The following SCUBE2 variants were observed in gnomAD, a reference collection of about 807,000 sequenced individuals.
SCUBE2 encodes signal peptide, CUB and EGF-like domain-containing protein 2.
A neutral mutation model predicts 125.9 loss-of-function variants in SCUBE2; 114 were observed. That is an observed-to-expected ratio of 0.91 (90% confidence interval 0.78 to 1.06). The LOEUF is 1.06. SCUBE2 is among the 50% of genes least tolerant of loss of function. SCUBE2 has a pLI of 0.00. For missense variants in SCUBE2, 1,255 were observed against 1,301.8 expected, an observed-to-expected ratio of 0.96 and a Z score of 0.55; for synonymous variants, 459 against 492.9, an observed-to-expected ratio of 0.93 and a Z score of 0.91.
chr11:9,034,262 G>T (rs1228069281), intron 16 of SCUBE2, among the ~76,000 whole-genome samples: 1 of 152,190 alleles, frequency 6.6e-6, no homozygotes, highest in East Asian at 1.9e-4. Context: ...ATTTGTGTCA[G>T]GCCTTGAAGG....
intron 3 of SCUBE2, among the ~76,000 whole-genome samples, chr11:9,077,474 C>T (rs547552050): frequency 1.3e-5 from 2 of 152,262 alleles, no homozygotes; most frequent in South Asian, 2.1e-4. Flanking sequence ...AGTGCCAAAG[C>T]TTAGTGGTGT....
Position 9,060,454 on chromosome 11 carries a change from A to T in SCUBE2, c.921T>A (p.Ser307Arg). ...CKDTSTGVHCSCPVGFTLQLD... is the reference protein window; with the variant it reads ...CKDTSTGVHCRCPVGFTLQLD... ...ACTGGAGAGTGAATCCAACAGGACA[A>T]CTGCAGTGGACACCTGTCGAAGTAT... is the stretch of plus-strand genomic sequence containing the variant. The change falls in exon 8 of 23, where the codon AGT (serine) becomes AGA (arginine). Residue 307 changes from serine (S) to arginine (R), a missense_variant. Ser to Arg is a moderately radical substitution (Grantham distance 110). Transcript: ENST00000649792. 1 of 1,614,150 alleles carries T rather than the reference A, an allele frequency of 6.2e-7. No individual in the cohort carries two copies. Among genetic ancestry groups the T allele is most frequent in the East Asian group, 2.2e-5 (1 of 44,892 alleles).
At chr11:9,054,727 T>TATATATATA (rs1858892511) in intron 10 of SCUBE2, among the ~76,000 whole-genome samples, 5 of 36,000 alleles carry the variant, frequency 1.4e-4, no homozygotes, top group African/African-American at 4.1e-4. Flanking sequence ...ATATATATAT[T>TATATATATA]TTTTTTTTTT....
At chr11:9,035,464 C>T (rs1856677929) in intron 16 of SCUBE2, among the ~76,000 whole-genome samples, 1 of 152,126 alleles carries the variant, frequency 6.6e-6, no homozygotes, top group African/African-American at 2.4e-5. Flanking sequence ...AAGACTTTAT[C>T]AAGGATTCTC....
chr11:9,045,413 C>T (rs934588967), intron 16 of SCUBE2, among the ~76,000 whole-genome samples: 4 of 151,972 alleles, frequency 2.6e-5, no homozygotes, highest in Non-Finnish European at 2.9e-5. Flanking sequence ...TTCCATCTCT[C>T]CCCCCAGGAG....
intron 16 of SCUBE2, among the ~76,000 whole-genome samples, chr11:9,035,376 T>C (rs1786684149): frequency 6.6e-6 from 1 of 152,208 alleles, no homozygotes; most frequent in African/African-American, 2.4e-5. Flanking sequence ...AATACTCCTA[T>C]GGTACTGTAA....
chr11:9,071,874 G>A (rs1055133970), intron 4 of SCUBE2, among the ~76,000 whole-genome samples: 8 of 152,076 alleles, frequency 5.3e-5, no homozygotes, highest in African/African-American at 1.9e-4. Context: ...AAACAAAAGA[G>A]GAGTGCTCAT....
At position 9,091,531 on chromosome 11, in the gene SCUBE2, A is replaced by T; in HGVS notation, c.-3T>A. ...CGGTTGCGGCCCGCGACCCCCATGG[A>T]TGGCTCAGCGGTTGCGGGCAGAGGC... is the stretch of plus-strand genomic sequence containing the variant. On this transcript the variant is annotated 5_prime_UTR_variant, in exon 1 of 23. Coordinates refer to ENST00000649792, the MANE Select transcript of SCUBE2 (RefSeq NM_001367977.2). The surrounding 1 kb of genome is among the most constrained non-coding windows in gnomAD (Gnocchi z 8.5). The T allele has an allele frequency of 1.3e-6, 1 of 763,844 alleles. No homozygotes were observed. The highest frequency in any genetic ancestry group is 1.8e-6 in the Non-Finnish European group (1 of 571,062). 47.3% of individuals were successfully genotyped at this position (763,844 alleles called of 1,614,324 possible).
At chr11:9,055,952 G>A in intron 9 of SCUBE2, 43 bp from the exon 10 acceptor site, 1 of 1,446,088 alleles carries the variant, frequency 6.9e-7, no homozygotes, top group Non-Finnish European at 9.7e-7. Flanking sequence ...CCCACTCTGA[G>A]GGATGAGTGA....
In SCUBE2 at chr11:9,039,803, G is replaced by A. The variant is rs574631283; in HGVS notation, c.2003-6007C>T. Among the ~76,000 whole-genome samples, 11 of 152,282 alleles carry A rather than the reference G, an allele frequency of 7.2e-5. No homozygotes were observed. The South Asian group carries it at 1.0e-3, about 14-fold the overall frequency. On this transcript the variant is annotated intron_variant, in intron 16 of 22. Transcript: ENST00000649792. Reference sequence around the variant, plus strand: ...AAGCACTGGCACCCACAACTCGGGCGCAGGGCACTGACTGACTCTCGCCTC... The same window carrying A: ...AAGCACTGGCACCCACAACTCGGGCACAGGGCACTGACTGACTCTCGCCTC...
chr11:9,052,634 C>T, intron 13 of SCUBE2, 112 bp downstream of exon 13: 2 of 765,752 alleles, frequency 2.6e-6, no homozygotes, highest in Non-Finnish European at 2.1e-6. Flanking sequence ...CTCACAGCAT[C>T]AAGGAAATTA....
At chr11:9,060,323 AT>A in intron 8 of SCUBE2, 84 bp downstream of exon 8, 1 of 984,484 alleles carries the variant, frequency 1.0e-6, no homozygotes, top group South Asian at 1.4e-5. Context: ...TATGGAGGGT[AT>A]GTTGCCTTTA....
chr11:9,049,331 C>T (rs1858114515), intron 14 of SCUBE2, among the ~76,000 whole-genome samples: 1 of 152,178 alleles, frequency 6.6e-6, no homozygotes, highest in Non-Finnish European at 1.5e-5. Flanking sequence ...GCAGCCTCAA[C>T]CTCCTGGGCT....
rs371555047 is a variant in SCUBE2, at chr11:9,047,821, A to C, written c.1795+122T>G. 105 of 1,262,206 alleles carry C rather than the reference A, an allele frequency of 8.3e-5. 1 individual carries two copies. In the African/African-American group the frequency reaches 1.4e-3, roughly 16 times the overall value. The allele number at this position is 1,262,206 out of a possible 1,614,324, so 78.2% of individuals were successfully genotyped here. Reference sequence around the variant, plus strand: ...AATTCAGTTTAGTTTCGGGGTGAAAAAAAACAGGAGATACTTCAGTGTTTG... The same window carrying C: ...AATTCAGTTTAGTTTCGGGGTGAAACAAAACAGGAGATACTTCAGTGTTTG... On this transcript the variant is annotated intron_variant, in intron 15 of 22. Coordinates refer to ENST00000649792, the MANE Select transcript of SCUBE2 (RefSeq NM_001367977.2).
At chr11:9,085,877 G>C (rs1862024142) in intron 2 of SCUBE2, among the ~76,000 whole-genome samples, 1 of 149,642 alleles carries the variant, frequency 6.7e-6, no homozygotes, top group African/African-American at 2.5e-5. Flanking sequence ...CTGTTGCCCA[G>C]GCTGGAGTGC....
intron 15 of SCUBE2, 107 bp from the exon 16 acceptor site, chr11:9,047,669 C>A: frequency 8.4e-7 from 1 of 1,187,038 alleles, no homozygotes; most frequent in South Asian, 1.3e-5. Context: ...CCCTGTGGAC[C>A]GAATGGGGAG....
At chr11:9,022,714 G>T (rs72856025) in intron 21 of SCUBE2, 15,571 of 152,434 alleles carry the variant, frequency 0.1, 925 homozygotes, top group South Asian at 0.23. Context: ...TACCTTACCG[G>T]TTACTTCTCT....
chr11:9,052,246 T>C (rs907845759), intron 13 of SCUBE2, among the ~76,000 whole-genome samples: 1 of 152,362 alleles, frequency 6.6e-6, no homozygotes, highest in South Asian at 2.1e-4. Flanking sequence ...ATGAACCTCA[T>C]TCAGGTGTTC....
chr11:9,059,761 C>T, intron 8 of SCUBE2: 1 of 232,038 alleles, frequency 4.3e-6, no homozygotes, highest in Non-Finnish European at 8.4e-6. Context: ...CTCTTTAGTA[C>T]ACTATGTATT....
Sources: allele counts gnomAD v4.1 joint callset (sites outside exome capture counted in the v4.1 genomes callset), GRCh38; gene constraint gnomAD v4.1.1; non-coding constraint Gnocchi (gnomAD v3.1); transcripts MANE v1.5; gene names NCBI Gene and HGNC (gene_info 2026-07-23, HGNC 2026-07-21).